The following THOC2 variants were observed in gnomAD, a reference collection of about 807,000 sequenced individuals.
THOC2 encodes THO complex 2.
Under a neutral mutation model 128.4 loss-of-function variants are expected in THOC2, and 10 were observed. The ratio of observed to expected loss-of-function variants is 0.08; its 90% CI spans 0.05 to 0.13. The LOEUF is 0.13. Ranked by LOEUF, THOC2 falls within the 10% of genes least tolerant of loss-of-function variation. The probability of loss-of-function intolerance (pLI) is 1.00; values close to 1 mark genes in which losing one functional copy is unlikely to be tolerated. For missense variants in THOC2, 535 were observed against 1,155.7 expected, an observed-to-expected ratio of 0.46 and a Z score of 7.79; for synonymous variants, 393 against 396.9, an observed-to-expected ratio of 0.99 and a Z score of 0.12.
rs714098 is a variant in THOC2 at position 123,690,231 on chromosome X, G to A, written c.602-3517C>T. On this transcript the variant is annotated intron_variant, in intron 7 of 38. Transcript: ENST00000245838. ...TTCTCCGGGAAAACAGAAGAGAGAA[G>A]AGAGGGAGGATAAACACAAAGAGGC... Among the ~76,000 whole-genome samples, 109 of 111,668 alleles carry A rather than the reference G, an allele frequency of 9.8e-4. No individual in the cohort carries two copies. In the East Asian group the frequency reaches 0.028, roughly 29 times the overall value.
intron 12 of THOC2, among the ~76,000 whole-genome samples, chrX:123,665,401 ATAAGTACACTCTCTG>A (rs1203972155): frequency 2.7e-5 from 3 of 111,557 alleles, no homozygotes; most frequent in Non-Finnish European, 5.6e-5. Context: ...CTAGGCTTGT[ATAAGTACACTCTCTG>A]ATGTTTGCAC....
intron 12 of THOC2, among the ~76,000 whole-genome samples, chrX:123,654,758 C>CA (rs149260708): frequency 0.54 from 13,179 of 24,217 alleles, 4,236 homozygotes; most frequent in Non-Finnish European, 0.67. Context: ...GACTCCGTCT[C>CA]AAAAAAAAAA....
At chrX:123,712,741 A>G (rs1243904551) in intron 2 of THOC2, 109 bp downstream of exon 2, 1 of 475,698 alleles carries the variant, frequency 2.1e-6, no homozygotes, top group African/African-American at 2.4e-5. Flanking sequence ...AAACCTTTAT[A>G]TAATGTGAAC....
At chrX:123,655,466 T>C (rs1325047000) in intron 12 of THOC2, among the ~76,000 whole-genome samples, 1 of 112,081 alleles carries the variant, frequency 8.9e-6, no homozygotes, top group Admixed American at 9.5e-5. Context: ...AATCCAAATT[T>C]TTATTATGAA....
At chrX:123,632,366 T>A (rs2047515205) in intron 21 of THOC2, among the ~76,000 whole-genome samples, 3 of 107,904 alleles carry the variant, frequency 2.8e-5, no homozygotes, top group Admixed American at 1.0e-4. Context: ...GGTGCATGCC[T>A]ATAATCCCCA....
chrX:123,660,026 G>GT (rs1412486254), intron 12 of THOC2, among the ~76,000 whole-genome samples: 1 of 112,071 alleles, frequency 8.9e-6, no homozygotes, highest in Admixed American at 9.5e-5. Flanking sequence ...TCAGATAACT[G>GT]TAAGGATTCA....
intron 8 of THOC2, among the ~76,000 whole-genome samples, chrX:123,672,452 T>C (rs896923910): frequency 9.0e-6 from 1 of 111,434 alleles, no homozygotes; most frequent in Non-Finnish European, 1.9e-5. Flanking sequence ...ACATGTGTGT[T>C]TTCTTAACTT....
chrX:123,721,509 C>CG (rs148876611), intron 1 of THOC2, among the ~76,000 whole-genome samples: 3,730 of 106,416 alleles, frequency 0.035, 110 homozygotes, highest in African/African-American at 0.1. Flanking sequence ...CCTTTTGGCT[C>CG]GCATGGTGGC....
At chrX:123,645,310 T>G in intron 13 of THOC2, 24 bp downstream of exon 13, 1 of 1,084,477 alleles carries the variant, frequency 9.2e-7, no homozygotes, top group Admixed American at 2.5e-5. Context: ...TTAGACACAT[T>G]ATTGGATTTT....
chrX:123,672,735 A>G (rs751121595), intron 8 of THOC2, among the ~76,000 whole-genome samples: 7 of 112,194 alleles, frequency 6.2e-5, no homozygotes, highest in Admixed American at 9.4e-5. Flanking sequence ...TTTGAATGCT[A>G]TCAATTTTCA....
intron 4 of THOC2, among the ~76,000 whole-genome samples, chrX:123,698,756 G>A (rs1390016140): frequency 9.4e-6 from 1 of 106,385 alleles, no homozygotes; most frequent in Non-Finnish European, 1.9e-5. Flanking sequence ...ACATCTGTAA[G>A]TACAGCTACT....
rs1238886169 is a variant in THOC2 at position 123,718,324 on chromosome X, G to A, written c.72-5416C>T. ...AATTAAAGACTTAAATGTAAGACCT[G>A]AAACTATAAAAATCCTAAAAGAAAA... On this transcript the variant is annotated intron_variant, in intron 1 of 38. Transcript: ENST00000245838. Among the ~76,000 whole-genome samples, 3 of 111,869 alleles carry A rather than the reference G, an allele frequency of 2.7e-5. No individual in the cohort carries two copies. The East Asian group carries it at 8.4e-4, about 31-fold the overall frequency.
chrX:123,708,754 AT>A (rs1029946758), intron 2 of THOC2, among the ~76,000 whole-genome samples: 25 of 108,278 alleles, frequency 2.3e-4, no homozygotes, highest in Middle Eastern at 4.3e-3. Flanking sequence ...AAGTTTTCTT[AT>A]TTTTTTTTTC....
At chrX:123,680,015 C>T (rs947306169) in intron 8 of THOC2, among the ~76,000 whole-genome samples, 1 of 112,214 alleles carries the variant, frequency 8.9e-6, no homozygotes, top group Non-Finnish European at 1.9e-5. Context: ...TTTCTCTCCA[C>T]GTGATAGCCT....
intron 1 of THOC2, among the ~76,000 whole-genome samples, chrX:123,730,088 C>T (rs147591483): frequency 8.9e-6 from 1 of 111,904 alleles, no homozygotes; most frequent in East Asian, 2.8e-4. Context: ...TAATTCAATC[C>T]ACATTCCACA....
chrX:123,623,991 A>T lies in THOC2; in HGVS notation c.3319-20T>A. ...CGATGCCTACAACAAACATTTTCAG[A>T]TCCATTATTATAAAAGCACAAGTAT... On this transcript the variant is annotated intron_variant, in intron 27 of 38. Transcript: ENST00000245838. 4 of 1,183,084 alleles carry T rather than the reference A, an allele frequency of 3.4e-6. No homozygotes were observed. The highest frequency in any genetic ancestry group is 4.5e-6 in the Non-Finnish European group (4 of 883,996).
Position 123,615,350 on chromosome X carries a change from G to T in THOC2, c.4312-1161C>A, listed in dbSNP as rs543753627. 6.3e-5 allele frequency among the ~76,000 whole-genome samples: 7 copies of T among 111,049 alleles called. No individual in the cohort carries two copies. In the South Asian group the frequency reaches 1.9e-3, roughly 29 times the overall value. Reference sequence around the variant, plus strand: ...AAACATTTTCAATTCAGTTGGCTCAGAAATACTGCCATAGCAATGCAGAAG... The same window carrying T: ...AAACATTTTCAATTCAGTTGGCTCATAAATACTGCCATAGCAATGCAGAAG... On this transcript the variant is annotated intron_variant, in intron 33 of 38. Transcript: ENST00000245838.
intron 12 of THOC2, among the ~76,000 whole-genome samples, chrX:123,655,416 A>G: frequency 8.9e-6 from 1 of 112,246 alleles, no homozygotes; most frequent in Non-Finnish European, 1.9e-5. Context: ...TTTATAAACT[A>G]CAGTTTTGGA....
At chrX:123,624,283 G>A (rs1440436359) in intron 26 of THOC2, 92 bp from the exon 27 acceptor site, 27 of 883,729 alleles carry the variant, frequency 3.1e-5, no homozygotes, top group Admixed American at 3.7e-5. Context: ...CAATGTTTCC[G>A]TGTAAAAACA....
Sources: allele counts gnomAD v4.1 joint callset (sites outside exome capture counted in the v4.1 genomes callset), GRCh38; gene constraint gnomAD v4.1.1; transcripts MANE v1.5; gene names NCBI Gene and HGNC (gene_info 2026-07-23, HGNC 2026-07-21).